The following SPOCK3 variants were observed in gnomAD, a reference collection of about 807,000 sequenced individuals.
SPOCK3 encodes testican-3.
SPOCK3 carries 30 observed loss-of-function variants against 56.6 expected under a neutral mutation model. That is an observed-to-expected ratio of 0.53 (90% CI 0.40 to 0.72). The LOEUF is 0.72. Ranked by LOEUF, SPOCK3 falls within the 30% of genes least tolerant of loss-of-function variation. The pLI, the probability that SPOCK3 is intolerant of heterozygous loss-of-function variation, is 0.00. For synonymous variants in SPOCK3, 196 were observed against 183.3 expected (o/e 1.07, Z -0.56); for missense variants, 527 against 530.0 (o/e 0.99, Z 0.06).
chr4:167,129,771 A>G (rs1038101429), intron 2 of SPOCK3, among the ~76,000 whole-genome samples: 1 of 152,106 alleles, frequency 6.6e-6, no homozygotes, highest in Non-Finnish European at 1.5e-5. Context: ...ATAAAAAATA[A>G]AATATAAATT....
chr4:167,041,886 G>C (rs142707983), intron 3 of SPOCK3, among the ~76,000 whole-genome samples: 109 of 152,072 alleles, frequency 7.2e-4, no homozygotes, highest in African/African-American at 2.6e-3. Context: ...ACAATTTTAT[G>C]TATTAATTAC....
intron 3 of SPOCK3, among the ~76,000 whole-genome samples, chr4:167,023,269 A>G (rs1751373967): frequency 6.6e-6 from 1 of 151,890 alleles, no homozygotes; most frequent in Admixed American, 6.6e-5. Context: ...ACTAACTTTT[A>G]TGAACTCAGA....
chr4:166,746,774 A>T (rs1579102013), intron 8 of SPOCK3, among the ~76,000 whole-genome samples: 1 of 152,330 alleles, frequency 6.6e-6, no homozygotes, highest in African/African-American at 2.4e-5. Flanking sequence ...AGAATCAAAT[A>T]GATGCAATAA....
chr4:167,206,511 T>C (rs1488946603), intron 2 of SPOCK3, among the ~76,000 whole-genome samples: 1 of 152,064 alleles, frequency 6.6e-6, no homozygotes, highest in Non-Finnish European at 1.5e-5. Flanking sequence ...ATAAAACTAT[T>C]ATGTTGTTTA....
intron 3 of SPOCK3, among the ~76,000 whole-genome samples, chr4:167,008,395 G>C (rs747544954): frequency 4.5e-4 from 69 of 152,118 alleles, no homozygotes; most frequent in Non-Finnish European, 8.4e-4. Context: ...TATTACTAGA[G>C]GTAATATTAG....
At chr4:166,767,544 G>A (rs994900463) in intron 7 of SPOCK3, among the ~76,000 whole-genome samples, 5 of 152,150 alleles carry the variant, frequency 3.3e-5, no homozygotes, top group Admixed American at 6.5e-5. Flanking sequence ...TTGCACTGTG[G>A]TCTGAGAGAC....
At chr4:166,905,015 A>G (rs1259969599) in intron 5 of SPOCK3, among the ~76,000 whole-genome samples, 1 of 151,994 alleles carries the variant, frequency 6.6e-6, no homozygotes, top group Non-Finnish European at 1.5e-5. Flanking sequence ...CAGCATTGTA[A>G]TTCACCAGCT....
intron 4 of SPOCK3, among the ~76,000 whole-genome samples, chr4:166,994,741 C>T (rs952620205): frequency 6.6e-5 from 10 of 151,898 alleles, no homozygotes; most frequent in Non-Finnish European, 1.2e-4. Flanking sequence ...TAATATAAAC[C>T]CTGACCAAAT....
chr4:167,058,524 T>C (rs1220471087), intron 3 of SPOCK3, among the ~76,000 whole-genome samples: 1 of 152,144 alleles, frequency 6.6e-6, no homozygotes, highest in African/African-American at 2.4e-5. Flanking sequence ...TGGAAGAACA[T>C]TCCATGCTTG....
chr4:166,764,361 C>T (rs1737681703), intron 7 of SPOCK3, among the ~76,000 whole-genome samples: 1 of 152,038 alleles, frequency 6.6e-6, no homozygotes, highest in Non-Finnish European at 1.5e-5. Flanking sequence ...CCACAACAGG[C>T]CCTGGTGTGT....
At chr4:166,977,347 G>C (rs1376324221) in intron 4 of SPOCK3, among the ~76,000 whole-genome samples, 2 of 152,066 alleles carry the variant, frequency 1.3e-5, no homozygotes, top group South Asian at 2.1e-4. Context: ...TGAAAATGTA[G>C]ACAAAATGAT....
At chr4:167,192,813 T>C (rs11940884) in intron 2 of SPOCK3, among the ~76,000 whole-genome samples, 7 of 146,316 alleles carry the variant, frequency 4.8e-5, no homozygotes, top group African/African-American at 1.8e-4. Context: ...TTTTCATTTG[T>C]TTCAAGATAC....
intron 10 of SPOCK3, among the ~76,000 whole-genome samples, chr4:166,736,684 CAAAG>C (rs1367178943): frequency 1.3e-5 from 2 of 151,606 alleles, no homozygotes; most frequent in African/African-American, 4.8e-5. Flanking sequence ...AATTGAAACA[CAAAG>C]AATTAATTCC....
At chr4:166,843,128 C>A (rs951819040) in intron 6 of SPOCK3, among the ~76,000 whole-genome samples, 1 of 152,188 alleles carries the variant, frequency 6.6e-6, no homozygotes, top group African/African-American at 2.4e-5. Flanking sequence ...CCCGCCAAGC[C>A]CGTGCCCACC....
At chr4:167,142,315 C>A (rs1342855910) in intron 2 of SPOCK3, among the ~76,000 whole-genome samples, 2 of 151,808 alleles carry the variant, frequency 1.3e-5, no homozygotes, top group Non-Finnish European at 2.9e-5. Flanking sequence ...GGCAACCACA[C>A]TAAGGCATAA....
intron 3 of SPOCK3, among the ~76,000 whole-genome samples, chr4:167,058,698 T>C (rs1241503406): frequency 6.6e-6 from 1 of 152,054 alleles, no homozygotes; most frequent in East Asian, 1.9e-4. Flanking sequence ...GCCAAGTCAA[T>C]CCTAAGCCAA....
chr4:167,221,047 G>A (rs180718432), intron 2 of SPOCK3, among the ~76,000 whole-genome samples: 1 of 152,030 alleles, frequency 6.6e-6, no homozygotes, highest in Non-Finnish European at 1.5e-5. Flanking sequence ...CGTTTAAAAG[G>A]ACCAACTTTA....
intron 2 of SPOCK3, among the ~76,000 whole-genome samples, chr4:167,142,785 A>G (rs1055188269): frequency 2.0e-5 from 3 of 152,080 alleles, no homozygotes; most frequent in Non-Finnish European, 4.4e-5. Context: ...ATAATGCTCA[A>G]AAATGAACAA....
chr4:167,160,089 G>C (rs1038812201), intron 2 of SPOCK3, among the ~76,000 whole-genome samples: 37 of 152,188 alleles, frequency 2.4e-4, no homozygotes, highest in African/African-American at 8.7e-4. Flanking sequence ...TAGGAAAAGA[G>C]GAAGTCAAAT....
Sources: allele counts gnomAD v4.1 joint callset (sites outside exome capture counted in the v4.1 genomes callset), GRCh38; gene constraint gnomAD v4.1.1; transcripts MANE v1.5; gene names NCBI Gene and HGNC (gene_info 2026-07-23, HGNC 2026-07-21).